The following IQCN variants were observed in gnomAD, a reference collection of about 807,000 sequenced individuals.
IQCN encodes IQ motif containing N.
Under a neutral mutation model 64.4 loss-of-function variants are expected in IQCN, and 46 were observed. The observed-to-expected ratio is 0.71, with a 90% confidence interval of 0.56 to 0.91. The LOEUF is 0.91. IQCN is among the 40% of genes least tolerant of loss of function. The pLI, the probability that IQCN is intolerant of heterozygous loss-of-function variation, is 0.00. For missense variants in IQCN, 1,753 were observed against 1,857.4 expected, an observed-to-expected ratio of 0.94 and a Z score of 1.03; for synonymous variants, 733 against 775.6, an observed-to-expected ratio of 0.95 and a Z score of 0.91.
chr19:18,263,205 T>C (rs564594361), intron 3 of IQCN, among the ~76,000 whole-genome samples: 1 of 152,346 alleles, frequency 6.6e-6, no homozygotes, highest in Admixed American at 6.5e-5. Context: ...TTCCCGTGAC[T>C]CATCTATCTT....
chr19:18,263,091 C>T (rs1427265478), intron 3 of IQCN, among the ~76,000 whole-genome samples: 1 of 152,154 alleles, frequency 6.6e-6, no homozygotes, highest in East Asian at 1.9e-4. Flanking sequence ...GGTCATGTAC[C>T]TATAGCCGGT....
chr19:18,265,834 G>T lies in IQCN; in HGVS notation c.1706C>A (p.Ala569Asp). 6.2e-7 allele frequency: 1 copy of T among 1,614,134 alleles called. No homozygotes were observed. The highest frequency in any genetic ancestry group is 1.1e-5 in the South Asian group (1 of 91,080). ...NVKQAAKVVK[A>D]SSPSYLAEGK... ...CTCAGCCAAATAGGAGGGGGATGAG[G>T]CTTTCACCACCTTTGCAGCCTGCTT... The change falls in exon 3 of 4, where the codon GCC becomes GAC. Residue 569 changes from alanine to aspartate, a missense_variant. Physicochemically the swap from Ala to Asp is moderately radical, Grantham distance 126. Coordinates refer to ENST00000392413, the MANE Select transcript of IQCN (RefSeq NM_001145304.2). The surrounding 1 kb of genome is among the most constrained non-coding windows in gnomAD (Gnocchi z 4.7).
rs1032659153 is a variant in IQCN, at chr19:18,270,392, G to T, written c.-109-805C>A. Among the ~76,000 whole-genome samples the T allele has an allele frequency of 1.1e-4, 16 of 151,390 alleles. 2 individuals carry two copies. The Admixed American group carries it at 1.1e-3, about 10-fold the overall frequency. ...AAAAAAAAATAGGCCGGGCACAGTG[G>T]CTCACGTCTGTAACCCCAGCAATTT... is the stretch of plus-strand genomic sequence containing the variant. On this transcript the variant is annotated intron_variant, in intron 1 of 3. Coordinates refer to ENST00000392413, the MANE Select transcript of IQCN (RefSeq NM_001145304.2).
intron 3 of IQCN, 192 bp from the exon 4 acceptor site, chr19:18,258,298 T>A (rs1352090013): frequency 6.9e-6 from 5 of 725,072 alleles, no homozygotes; most frequent in Non-Finnish European, 1.2e-5. Flanking sequence ...GAGTGTGTCA[T>A]CTCCCCAGTG....
chr19:18,267,450 C>A lies in IQCN; in HGVS notation c.90G>T (p.Gln30His). The A allele has an allele frequency of 6.5e-7, 1 of 1,548,158 alleles. No homozygotes were observed. The highest frequency in any genetic ancestry group is 8.7e-7 in the Non-Finnish European group (1 of 1,149,368). The stretch of plus-strand genomic sequence containing the variant: ...CGGGGGCTGGAGGATGCACCGCCCA[C>A]TGGGTGACAACTGGCTCGTGAACTG... ...LATVHEPVVT[Q>H]WAVHPPAPAH... The change falls in exon 3 of 4, where the codon CAG becomes CAT. Residue 30 changes from glutamine to histidine, a missense_variant. By Grantham distance (24) the Gln-to-His change is conservative. Coordinates refer to ENST00000392413, the MANE Select transcript of IQCN (RefSeq NM_001145304.2).
intron 2 of IQCN, among the ~76,000 whole-genome samples, chr19:18,268,232 G>A (rs1356532909): frequency 6.6e-6 from 1 of 151,324 alleles, no homozygotes; most frequent in South Asian, 2.1e-4. Context: ...AAAAGAGAGA[G>A]AGAGAAGTGT....
At position 18,272,284 on chromosome 19, in the gene IQCN, C is replaced by T. The variant is rs561848896; in HGVS notation, c.-110+2119G>A. Among the ~76,000 whole-genome samples, 9 of 152,004 alleles carry T rather than the reference C, an allele frequency of 5.9e-5. No homozygotes were observed. The South Asian group carries it at 8.3e-4, about 14-fold the overall frequency. On this transcript the variant is annotated intron_variant, in intron 1 of 3. Transcript: ENST00000392413. Reference sequence around the variant, plus strand: ...CTGGGATTACAGGCACCTGCCACCACGCCTAGCAAATTTTTGTATTTTTAG... The same window carrying T: ...CTGGGATTACAGGCACCTGCCACCATGCCTAGCAAATTTTTGTATTTTTAG...
chr19:18,269,631 G>A, intron 1 of IQCN, 44 bp from the exon 2 acceptor site: 2 of 484,552 alleles, frequency 4.1e-6, no homozygotes, highest in Non-Finnish European at 3.5e-6. Flanking sequence ...AAGCAAAAAT[G>A]CTAAATTCTA....
chr19:18,271,755 G>T (rs1437846118), intron 1 of IQCN, among the ~76,000 whole-genome samples: 1 of 152,042 alleles, frequency 6.6e-6, no homozygotes, highest in East Asian at 1.9e-4. Context: ...GGGGCAGGAG[G>T]CCTTCAATGT....
Position 18,266,989 on chromosome 19 carries a change from G to A in IQCN, c.551C>T (p.Pro184Leu), listed in dbSNP as rs140150515. 1.5e-4 allele frequency: 240 copies of A among 1,614,166 alleles called. 2 individuals carry two copies. Among genetic ancestry groups the A allele is most frequent in the South Asian group, 1.5e-3 (135 of 91,084 alleles). Residue 184 changes from proline to leucine, a missense_variant, in exon 3 of 4, where the codon CCG becomes CTG. By Grantham distance (98) the Pro-to-Leu change is moderately conservative. Coordinates refer to ENST00000392413, the MANE Select transcript of IQCN (RefSeq NM_001145304.2). This position sits in a 1 kb window ranked among gnomAD's most constrained non-coding sequence, Gnocchi z 4.3. ...GGTCTCCTTGTTCACCATGATGGGC[G>A]GGGACAGAAGGCGGTTCTCTTCCGG... ...QHPEENRLLS[P>L]PIMVNKETQF...
Position 18,258,241 on chromosome 19 carries a change from C to T in IQCN, c.3178-135G>A, listed in dbSNP as rs761349307. The T allele has an allele frequency of 1.6e-5, 15 of 937,016 alleles. No individual in the cohort carries two copies. In the East Asian group the frequency reaches 3.6e-4, roughly 23 times the overall value. 58.0% of individuals were successfully genotyped at this position (937,016 alleles called of 1,614,324 possible). A position where few individuals can be genotyped will look rare whatever the true frequency, so the allele number is the denominator to read the frequency against. ...GAACCACTTGGGGAAGACTCATAGC[C>T]TAGAGACACCCTCCGAACTCCCGGG... On this transcript the variant is annotated intron_variant, in intron 3 of 3. Coordinates refer to ENST00000392413, the MANE Select transcript of IQCN (RefSeq NM_001145304.2).
In IQCN at chr19:18,257,192, C is replaced by A. The variant is rs777797736; in HGVS notation, c.4092G>T (p.Trp1364Cys). The stretch of plus-strand genomic sequence containing the variant: ...GGGAGCCAGGGTCCTAGATGCCAGG[C>A]CAATGCATGTGCCGTGAGCTGGCCG... ...DPSASSRHMH[W>C]PGI Residue 1364 changes from tryptophan to cysteine, a missense_variant, in exon 4 of 4, where the codon TGG becomes TGT. Trp to Cys is a radical substitution (Grantham distance 215). Coordinates refer to ENST00000392413, the MANE Select transcript of IQCN (RefSeq NM_001145304.2). 1.2e-6 allele frequency: 2 copies of A among 1,613,086 alleles called. No individual in the cohort carries two copies. Among genetic ancestry groups the A allele is most frequent in the Non-Finnish European group, 1.7e-6 (2 of 1,180,012 alleles).
chr19:18,267,410 G>A lies in IQCN; in HGVS notation c.130C>T (p.Leu44=), dbSNP rs769640381. Residue 44 remains leucine (L), a synonymous_variant, in exon 3 of 4, where the codon CTG becomes TTG. Coordinates refer to ENST00000392413, the MANE Select transcript of IQCN (RefSeq NM_001145304.2). Reference sequence around the variant, plus strand: ...GGAGGCGCTTTCTCCATTTTGTCCAGGAGACTGGGGTGAGCGGGGGCTGGA... The same window carrying A: ...GGAGGCGCTTTCTCCATTTTGTCCAAGAGACTGGGGTGAGCGGGGGCTGGA... ...HPPAPAHPSL[L]DKMEKAPPQP... 8 of 1,583,102 alleles carry A rather than the reference G, an allele frequency of 5.1e-6. No homozygotes were observed. In the African/African-American group the frequency reaches 8.1e-5, roughly 16 times the overall value.
At chr19:18,269,318 CT>C in intron 2 of IQCN, 147 bp downstream of exon 2, 1 of 745,522 alleles carries the variant, frequency 1.3e-6, no homozygotes, top group Non-Finnish European at 2.3e-6. Flanking sequence ...GTGACTGTGG[CT>C]TTCAGAAGTA....
In IQCN at chr19:18,265,777, G is replaced by A. The variant is rs548364590; in HGVS notation, c.1763C>T (p.Pro588Leu). The A allele has an allele frequency of 1.3e-4, 204 of 1,614,122 alleles. 1 individual carries two copies. The South Asian group carries it at 1.4e-3, about 11-fold the overall frequency. The change falls in exon 3 of 4, where the codon CCG becomes CTG. Residue 588 changes from proline (P) to leucine (L), a missense_variant. Pro to Leu is a moderately conservative substitution (Grantham distance 98, BLOSUM62 -3). Coordinates refer to ENST00000392413, the MANE Select transcript of IQCN (RefSeq NM_001145304.2). The surrounding 1 kb of genome is among the most constrained non-coding windows in gnomAD (Gnocchi z 4.7). The part of the protein sequence containing the change: ...GKIRCLAQPH[P>L]GTGVPRAAAE... ...TGCAGCCCTGGGGACCCCAGTTCCCGGATGTGGTTGAGCCAGGCACCTGAT... is the reference window on the plus strand; with the variant it reads ...TGCAGCCCTGGGGACCCCAGTTCCCAGATGTGGTTGAGCCAGGCACCTGAT...
In IQCN at chr19:18,266,618, T is replaced by C; in HGVS notation, c.922A>G (p.Arg308Gly). Reference sequence around the variant, plus strand: ...CCCTGGGTTTGGGCTCTGGATGGTCTCGTAACTGCCTGGTCATACCTTCTG... The same window carrying C: ...CCCTGGGTTTGGGCTCTGGATGGTCCCGTAACTGCCTGGTCATACCTTCTG... Reference protein sequence around the residue: ...LSRRYDQAVTRPSRAQTQGPV... With the variant: ...LSRRYDQAVTGPSRAQTQGPV... The change falls in exon 3 of 4, where the codon AGA becomes GGA. Residue 308 changes from arginine (R) to glycine (G), a missense_variant. Physicochemically the swap from Arg to Gly is moderately radical, Grantham distance 125. Transcript: ENST00000392413. The surrounding 1 kb of genome is among the most constrained non-coding windows in gnomAD (Gnocchi z 4.3). 7 of 1,613,986 alleles carry C rather than the reference T, an allele frequency of 4.3e-6. No homozygotes were observed. The highest frequency in any genetic ancestry group is 5.9e-6 in the Non-Finnish European group (7 of 1,179,922).
intron 3 of IQCN, chr19:18,258,352 T>G: frequency 1.4e-6 from 1 of 691,098 alleles, no homozygotes; most frequent in Non-Finnish European, 2.6e-6. Flanking sequence ...TGGGTGGGGT[T>G]TGCACCACTT....
In IQCN at chr19:18,258,035, C is replaced by T. The variant is rs746361827; in HGVS notation, c.3249G>A (p.Ala1083=). 9 of 1,612,586 alleles carry T rather than the reference C, an allele frequency of 5.6e-6. No individual in the cohort carries two copies. Among genetic ancestry groups the T allele is most frequent in the African/African-American group, 4.0e-5 (3 of 74,920 alleles). Residue 1083 remains alanine (A), a synonymous_variant, in exon 4 of 4, where the codon GCG becomes GCA. Transcript: ENST00000392413. ...NRAWEPARGA[A]SWDTWRNKAV... ...CCTTGTTGCGCCAGGTGTCCCAGGA[C>T]GCAGCACCCCTGGCTGGCTCCCATG...
At position 18,258,096 on chromosome 19, in the gene IQCN, T is replaced by A. The variant is rs1969351309; in HGVS notation, c.3188A>T (p.Asp1063Val). ...VRPQTSKGPA[D>V]AGVVGGQSWN... ...CGATTGGCCACCAACCACACCAGCG[T>A]CCGCGGGGCCCTGGAGTATAGTGGA... Residue 1063 changes from aspartate to valine, a missense_variant, in exon 4 of 4, where the codon GAC (aspartate) becomes GTC (valine). Asp to Val is a radical substitution (Grantham distance 152, BLOSUM62 -3). Transcript: ENST00000392413. 6.2e-7 allele frequency: 1 copy of A among 1,610,120 alleles called. No homozygotes were observed. The highest frequency in any genetic ancestry group is 1.1e-5 in the South Asian group (1 of 91,088).
Sources: gnomAD v4.1 joint callset for allele counts (sites outside exome capture counted in the v4.1 genomes callset) on GRCh38, gnomAD v4.1.1 for gene constraint, Gnocchi (gnomAD v3.1) non-coding constraint, MANE v1.5 for transcripts, NCBI Gene and HGNC (gene_info 2026-07-23, HGNC 2026-07-21) for gene names.